Variants in DOCK3 observed in about 807,000 individuals in gnomAD.
DOCK3 encodes the protein dedicator of cytokinesis 3.
In DOCK3, 60 loss-of-function variants were observed where a neutral mutation model predicts 265.6. The observed-to-expected ratio is 0.23, with a 90% CI of 0.18 to 0.28. The LOEUF (loss-of-function observed/expected upper bound fraction) is 0.28, where lower values mean the gene tolerates loss of function less well. DOCK3 is among the 10% of genes least tolerant of loss of function. The pLI is 1.00. For missense variants in DOCK3, 1,981 were observed against 2,594.3 expected (o/e 0.76, Z 5.14); for synonymous variants, 881 against 938.0 (o/e 0.94, Z 1.11).
At chr3:50,923,528 T>C (rs2050611919) in intron 4 of DOCK3, among the ~76,000 whole-genome samples, 1 of 152,214 alleles carries the variant, frequency 6.6e-6, no homozygotes, top group African/African-American at 2.4e-5. Flanking sequence ...TGCTCTTCTC[T>C]AAATTGTAGA....
At chr3:50,766,935 C>G (rs2040922240) in intron 1 of DOCK3, among the ~76,000 whole-genome samples, 1 of 152,080 alleles carries the variant, frequency 6.6e-6, no homozygotes, top group Non-Finnish European at 1.5e-5. Context: ...TGAGAAGTGT[C>G]TGTTCATATC....
Position 51,333,041 on chromosome 3 carries a change from G to A in DOCK3, c.3515+14G>A. 1 of 1,613,978 alleles carries A rather than the reference G, an allele frequency of 6.2e-7. No individual in the cohort carries two copies. The highest frequency in any genetic ancestry group is 2.2e-5 in the East Asian group (1 of 44,878). On this transcript the variant is annotated intron_variant, in intron 34 of 52. Transcript: ENST00000266037. ...GCCCTACCCCAGGTAAGACTGCAGT[G>A]TGGTAAGTCTGCTGTCTCCAGATCC... is the stretch of plus-strand genomic sequence containing the variant.
chr3:51,316,273 C>T (rs1487094938), intron 32 of DOCK3, among the ~76,000 whole-genome samples: 7 of 152,198 alleles, frequency 4.6e-5, no homozygotes, highest in Non-Finnish European at 1.0e-4. Flanking sequence ...TGGCCCCTTT[C>T]ACTTAGCATA....
intron 1 of DOCK3, among the ~76,000 whole-genome samples, chr3:50,718,260 A>G (rs184332925): frequency 2.0e-4 from 30 of 152,272 alleles, no homozygotes; most frequent in Admixed American, 1.8e-3. Flanking sequence ...CCTCAAAACT[A>G]TCCTGTTTCC....
chr3:51,111,609 A>G (rs997083920), intron 9 of DOCK3, among the ~76,000 whole-genome samples: 3 of 152,206 alleles, frequency 2.0e-5, no homozygotes, highest in Admixed American at 1.3e-4. Context: ...TAAATATAAA[A>G]ACCCTGGAAG....
chr3:50,721,999 G>A (rs2037503952), intron 1 of DOCK3, among the ~76,000 whole-genome samples: 1 of 152,128 alleles, frequency 6.6e-6, no homozygotes, highest in African/African-American at 2.4e-5. Context: ...TCACTGAATG[G>A]GGGGTGGAAA....
rs1488881559 is a variant in DOCK3 at position 50,675,877 on chromosome 3, T to G, written c.37+577T>G. ...AATGTTTTTGGACATGTATCAATGTTTATACGGTTTTTTTTTTAAACCCTG... is the reference window on the plus strand; with the variant it reads ...AATGTTTTTGGACATGTATCAATGTGTATACGGTTTTTTTTTTAAACCCTG... On this transcript the variant is annotated intron_variant, in intron 1 of 52. Transcript: ENST00000266037. This position sits in a 1 kb window ranked among gnomAD's most constrained non-coding sequence, Gnocchi z 6.1. Among the ~76,000 whole-genome samples, 1 of 150,694 alleles carries G rather than the reference T, an allele frequency of 6.6e-6. No homozygotes were observed. The highest frequency in any genetic ancestry group is 1.5e-5 in the Non-Finnish European group (1 of 67,186).
chr3:50,717,530 T>C (rs924752905), intron 1 of DOCK3, among the ~76,000 whole-genome samples: 1 of 152,340 alleles, frequency 6.6e-6, no homozygotes, highest in African/African-American at 2.4e-5. Flanking sequence ...GTTGATTATC[T>C]TGGGTTTTTT....
chr3:50,921,455 T>A (rs2050460726), intron 4 of DOCK3, among the ~76,000 whole-genome samples: 1 of 152,196 alleles, frequency 6.6e-6, no homozygotes. Context: ...TCGTCTAATC[T>A]TTTTTCAAGG....
At chr3:51,123,753 C>T (rs886194927) in intron 9 of DOCK3, among the ~76,000 whole-genome samples, 2 of 152,172 alleles carry the variant, frequency 1.3e-5, no homozygotes, top group African/African-American at 4.8e-5. Context: ...TGCTAAATTC[C>T]GAGCTCCCAG....
At chr3:51,011,794 G>A (rs1219110651) in intron 5 of DOCK3, among the ~76,000 whole-genome samples, 1 of 152,166 alleles carries the variant, frequency 6.6e-6, no homozygotes, top group Non-Finnish European at 1.5e-5. Flanking sequence ...ACGTACAGAT[G>A]GGGTTTTGGT....
At position 51,359,255 on chromosome 3, in the gene DOCK3, T is replaced by C. The variant is rs2086570914; in HGVS notation, c.4884+1178T>C. On this transcript the variant is annotated intron_variant, in intron 46 of 52. Transcript: ENST00000266037. This position sits in a 1 kb window ranked among gnomAD's most constrained non-coding sequence, Gnocchi z 4.8. ...TCTGGTCATCTCCGTCCCTCCAGGC[T>C]CCCAGTGCAGGTCTCAGCCTGTGTG... Among the ~76,000 whole-genome samples, 1 of 152,174 alleles carries C rather than the reference T, an allele frequency of 6.6e-6. No individual in the cohort carries two copies. The highest frequency in any genetic ancestry group is 2.4e-5 in the African/African-American group (1 of 41,420).
chr3:51,160,995 G>C (rs1458542927), intron 12 of DOCK3, among the ~76,000 whole-genome samples: 2 of 150,922 alleles, frequency 1.3e-5, no homozygotes, highest in African/African-American at 4.9e-5. Context: ...AGAATTGCTT[G>C]AACCTGGGAG....
At chr3:50,811,672 A>C (rs1295781533) in intron 2 of DOCK3, among the ~76,000 whole-genome samples, 1 of 152,156 alleles carries the variant, frequency 6.6e-6, no homozygotes, top group African/African-American at 2.4e-5. Flanking sequence ...TACCTTAGAG[A>C]AATGTTTTTC....
chr3:51,289,092 C>G (rs2081587690), intron 27 of DOCK3, among the ~76,000 whole-genome samples: 1 of 151,970 alleles, frequency 6.6e-6, no homozygotes, highest in Non-Finnish European at 1.5e-5. Context: ...ACGTATATAC[C>G]ATGGAATTCT....
intron 1 of DOCK3, among the ~76,000 whole-genome samples, chr3:50,770,470 G>A (rs560745315): frequency 1.3e-5 from 2 of 151,598 alleles, no homozygotes; most frequent in East Asian, 1.9e-4. Flanking sequence ...AAAAAAATCC[G>A]TGTTCATTGA....
intron 19 of DOCK3, 135 bp downstream of exon 19, chr3:51,229,744 G>T: frequency 1.8e-6 from 1 of 547,896 alleles, no homozygotes. Flanking sequence ...GTTGTTGTTA[G>T]CTTCCTTTTC....
chr3:51,154,211 G>A (rs1186762398), intron 10 of DOCK3, among the ~76,000 whole-genome samples: 1 of 152,176 alleles, frequency 6.6e-6, no homozygotes, highest in African/African-American at 2.4e-5. Context: ...CACTTTCACA[G>A]GGATAGCTTT....
At chr3:50,996,287 G>A (rs1326348543) in intron 5 of DOCK3, among the ~76,000 whole-genome samples, 2 of 150,658 alleles carry the variant, frequency 1.3e-5, no homozygotes, top group African/African-American at 4.9e-5. Flanking sequence ...GCGCTATCTC[G>A]GCTCACTGCA....
Sources: gnomAD v4.1 joint callset for allele counts (sites outside exome capture counted in the v4.1 genomes callset) on GRCh38, gnomAD v4.1.1 for gene constraint, Gnocchi (gnomAD v3.1) non-coding constraint, MANE v1.5 for transcripts, NCBI Gene and HGNC (gene_info 2026-07-23, HGNC 2026-07-21) for gene names.